The following ZXDB variants were observed in gnomAD, a reference collection of about 807,000 sequenced individuals.
ZXDB encodes the protein zinc finger X-linked duplicated B, also known as zinc finger X-linked protein ZXDB.
For missense variants in ZXDB, 413 were observed against 679.1 expected, an observed-to-expected ratio of 0.61 and a Z score of 4.36; for synonymous variants, 273 against 314.3, an observed-to-expected ratio of 0.87 and a Z score of 1.39.
rs1445856352 is a variant in ZXDB, at chrX:57,592,606, C to T, written c.558C>T (p.Thr186=). 3.3e-6 allele frequency: 4 copies of T among 1,196,370 alleles called. No homozygotes were observed. The highest frequency in any genetic ancestry group is 3.6e-5 in the South Asian group (2 of 55,328). The change falls in exon 1 of 1, where the codon ACC becomes ACT. Residue 186 remains threonine (T), a synonymous_variant. Transcript: ENST00000374888. Reference sequence around the variant, plus strand: ...TGCGCTTTGAGAACGGCGTCCTCACCCTGGCCACGCCCCCACCACACGCCT... The same window carrying T: ...TGCGCTTTGAGAACGGCGTCCTCACTCTGGCCACGCCCCCACCACACGCCT... ...LLLRFENGVL[T]LATPPPHAWE...
rs764480463 is a variant in ZXDB at position 57,592,317 on chromosome X, A to G, written c.269A>G (p.Asp90Gly). 6.7e-6 allele frequency: 8 copies of G among 1,188,144 alleles called. No homozygotes were observed. Among genetic ancestry groups the G allele is most frequent in the Non-Finnish European group, 9.0e-6 (8 of 888,222 alleles). Residue 90 changes from aspartate (D) to glycine (G), a missense_variant, in exon 1 of 1, where the codon GAC (aspartate) becomes GGC (glycine). By Grantham distance (94) the Asp-to-Gly change is moderately conservative. Coordinates refer to ENST00000374888, the MANE Select transcript of ZXDB (RefSeq NM_007157.4). ...AGCGGCGGCGGCGGCGGCGGCGGCG[A>G]CGACTTCTTCCTGGTGCTGCTTGAC... is the stretch of plus-strand genomic sequence containing the variant. ...QPSGGGGGGG[D>G]DFFLVLLDPV...
Position 57,592,219 on chromosome X carries a change from G to A in ZXDB, c.171G>A (p.Arg57=), listed in dbSNP as rs754069984. The A allele has an allele frequency of 1.1e-4, 122 of 1,081,800 alleles. No homozygotes were observed. Among genetic ancestry groups the A allele is most frequent in the Non-Finnish European group, 1.3e-4 (112 of 840,352 alleles). The allele number at this position is 1,081,800 out of a possible 1,213,427, so 89.2% of individuals were successfully genotyped here. A position where few individuals can be genotyped will look rare whatever the true frequency, so the allele number is the denominator to read the frequency against. ...LRGPQDGGPG[R]RREEASTASR... is the part of the protein sequence containing the mutation. ...GCCCCCAAGATGGCGGGCCCGGGCG[G>A]CGGCGCGAGGAGGCCAGCACGGCAT... The change falls in exon 1 of 1, where the codon CGG becomes CGA. Residue 57 remains arginine (R), a synonymous_variant. Coordinates refer to ENST00000374888, the MANE Select transcript of ZXDB (RefSeq NM_007157.4).
rs1032655057 is a variant in ZXDB at position 57,595,889 on chromosome X, A to C, written c.*1429A>C. ...AACAATGCACACACATACCTGACAC[A>C]CTGTTAAATTTTCTTCTCTTCCTGT... is the stretch of plus-strand genomic sequence containing the variant. On this transcript the variant is annotated 3_prime_UTR_variant, in exon 1 of 1. Transcript: ENST00000374888. 2.1e-4 allele frequency: 26 copies of C among 123,415 alleles called. No homozygotes were observed. The highest frequency in any genetic ancestry group is 8.4e-4 in the African/African-American group (26 of 30,828). The allele number at this position is 123,415 out of a possible 1,213,427, so 10.2% of individuals were successfully genotyped here.
Position 57,596,094 on chromosome X carries a change from C to T in ZXDB, c.*1634C>T, listed in dbSNP as rs1033237062. ...AGTAGGCAAGGGAATCTGTTTACTC[C>T]CTCTTCCCTCTACTGAATAATTTTC... On this transcript the variant is annotated 3_prime_UTR_variant, in exon 1 of 1. Coordinates refer to ENST00000374888, the MANE Select transcript of ZXDB (RefSeq NM_007157.4). 2.4e-5 allele frequency: 3 copies of T among 122,812 alleles called. No individual in the cohort carries two copies. The highest frequency in any genetic ancestry group is 9.8e-5 in the African/African-American group (3 of 30,648). The allele number at this position is 122,812 out of a possible 1,213,427, so 10.1% of individuals were successfully genotyped here. A position where few individuals can be genotyped will look rare whatever the true frequency, so the allele number is the denominator to read the frequency against.
At position 57,594,409 on chromosome X, in the gene ZXDB, T is replaced by G; in HGVS notation, c.2361T>G (p.Ser787=). 1 of 1,211,548 alleles carries G rather than the reference T, an allele frequency of 8.3e-7. No individual in the cohort carries two copies. The highest frequency in any genetic ancestry group is 1.1e-6 in the Non-Finnish European group (1 of 895,345). ...CCAATGCAGCAGGAAACCATGGTTC[T>G]CAGAAAGAAACAGATCTTATCACTG... ...GFPNAAGNHG[S]QKETDLITVT... is the part of the protein sequence containing the mutation. The change falls in exon 1 of 1, where the codon TCT becomes TCG. Residue 787 remains serine, a synonymous_variant. Coordinates refer to ENST00000374888, the MANE Select transcript of ZXDB (RefSeq NM_007157.4).
Position 57,593,491 on chromosome X carries a change from C to T in ZXDB, c.1443C>T (p.Asp481=). Residue 481 remains aspartate (D), a synonymous_variant, in exon 1 of 1, where the codon GAC becomes GAT. Transcript: ENST00000374888. ...GGCACAAAAGAAAGCACGACGATGA[C>T]CGGAGGTTCATGTGCCCTGTGGAAG... is the stretch of plus-strand genomic sequence containing the variant. ...LLRHKRKHDD[D]RRFMCPVEGC... is the part of the protein sequence containing the mutation. 1 of 1,211,622 alleles carries T rather than the reference C, an allele frequency of 8.3e-7. No individual in the cohort carries two copies. Among genetic ancestry groups the T allele is most frequent in the East Asian group, 3.0e-5 (1 of 33,829 alleles).
rs1057324 is a variant in ZXDB, at chrX:57,593,089, A to C, written c.1041A>C (p.Thr347=). The change falls in exon 1 of 1, where the codon ACA becomes ACC. Residue 347 remains threonine (T), a synonymous_variant. Transcript: ENST00000374888. The part of the protein sequence containing the change: ...PAEGCGKSFT[T]VYNLKAHMKG... Reference sequence around the variant, plus strand: ...AGGGCTGTGGCAAGAGCTTCACCACAGTGTACAACCTCAAGGCGCACATGA... The same window carrying C: ...AGGGCTGTGGCAAGAGCTTCACCACCGTGTACAACCTCAAGGCGCACATGA... 355 of 1,210,014 alleles carry C rather than the reference A, an allele frequency of 2.9e-4. 1 individual carries two copies. The highest frequency in any genetic ancestry group is 1.6e-3 in the East Asian group (53 of 33,712).
rs956014540 is a variant in ZXDB at position 57,596,095 on chromosome X, C to T, written c.*1635C>T. 1.6e-5 allele frequency: 2 copies of T among 123,126 alleles called. No individual in the cohort carries two copies. Among genetic ancestry groups the T allele is most frequent in the Non-Finnish European group, 3.8e-5 (2 of 53,237 alleles). The allele number at this position is 123,126 out of a possible 1,213,427, so 10.1% of individuals were successfully genotyped here. Reference sequence around the variant, plus strand: ...GTAGGCAAGGGAATCTGTTTACTCCCTCTTCCCTCTACTGAATAATTTTCC... The same window carrying T: ...GTAGGCAAGGGAATCTGTTTACTCCTTCTTCCCTCTACTGAATAATTTTCC... On this transcript the variant is annotated 3_prime_UTR_variant, in exon 1 of 1. Coordinates refer to ENST00000374888, the MANE Select transcript of ZXDB (RefSeq NM_007157.4).
chrX:57,592,513 G>T lies in ZXDB; in HGVS notation c.465G>T (p.Pro155=), dbSNP rs758066796. ...RCLSAVPTPA[P]ISAPGPAAAF... ...TGTCCGCGGTTCCCACTCCGGCCCCGATCTCCGCCCCCGGCCCCGCCGCGG... is the reference window on the plus strand; with the variant it reads ...TGTCCGCGGTTCCCACTCCGGCCCCTATCTCCGCCCCCGGCCCCGCCGCGG... Residue 155 remains proline (P), a synonymous_variant, in exon 1 of 1, where the codon CCG becomes CCT. Coordinates refer to ENST00000374888, the MANE Select transcript of ZXDB (RefSeq NM_007157.4). The T allele has an allele frequency of 3.0e-5, 35 of 1,183,599 alleles. No individual in the cohort carries two copies. The highest frequency in any genetic ancestry group is 6.2e-5 in the East Asian group (2 of 32,159).
In ZXDB at chrX:57,592,763, C is replaced by A; in HGVS notation, c.715C>A (p.Pro239Thr). 1 of 1,153,934 alleles carries A rather than the reference C, an allele frequency of 8.7e-7. No homozygotes were observed. Among genetic ancestry groups the A allele is most frequent in the Non-Finnish European group, 1.1e-6 (1 of 869,970 alleles). ...PDLLLAEPAEPAPAPAPEEEA... is the reference protein window; with the variant it reads ...PDLLLAEPAETAPAPAPEEEA... ...CCTCCTGCTAGCTGAGCCGGCCGAACCCGCGCCAGCTCCGGCGCCTGAGGA... is the reference window on the plus strand; with the variant it reads ...CCTCCTGCTAGCTGAGCCGGCCGAAACCGCGCCAGCTCCGGCGCCTGAGGA... Residue 239 changes from proline to threonine, a missense_variant, in exon 1 of 1, where the codon CCC becomes ACC. Pro to Thr is a conservative substitution (Grantham distance 38). Coordinates refer to ENST00000374888, the MANE Select transcript of ZXDB (RefSeq NM_007157.4).
At position 57,592,292 on chromosome X, in the gene ZXDB, AGCGGCGGCGGCGGCG is replaced by A; in HGVS notation, c.254_268del (p.Gly85_Gly89del). The A allele has an allele frequency of 1.7e-6, 2 of 1,184,980 alleles. No individual in the cohort carries two copies. Among genetic ancestry groups the A allele is most frequent in the South Asian group, 3.6e-5 (2 of 54,922 alleles). On this transcript the variant is annotated inframe_deletion, in exon 1 of 1. Transcript: ENST00000374888. ...GTTGGCGCCGAGGACCGATCAACCT[AGCGGCGGCGGCGGCG>A]GCGGCGGCGACGACTTCTTCCTGGT...
At position 57,593,802 on chromosome X, in the gene ZXDB, C is replaced by G; in HGVS notation, c.1754C>G (p.Ala585Gly). 1 of 1,211,726 alleles carries G rather than the reference C, an allele frequency of 8.3e-7. No individual in the cohort carries two copies. Among genetic ancestry groups the G allele is most frequent in the Non-Finnish European group, 1.1e-6 (1 of 895,430 alleles). Residue 585 changes from alanine to glycine, a missense_variant, in exon 1 of 1, where the codon GCA becomes GGA. Coordinates refer to ENST00000374888, the MANE Select transcript of ZXDB (RefSeq NM_007157.4). ...GQDLLAQLEA[A>G]NSLTPSSELT... ...GATCTCTTAGCTCAGCTAGAAGCAG[C>G]AAATTCTCTCACACCCAGCAGTGAA...
In ZXDB at chrX:57,592,363, G is replaced by C. The variant is rs1378792578; in HGVS notation, c.315G>C (p.Glu105Asp). The change falls in exon 1 of 1, where the codon GAG becomes GAC. Residue 105 changes from glutamate (E) to aspartate (D), a missense_variant. Glu to Asp is a conservative substitution (Grantham distance 45, BLOSUM62 2). Transcript: ENST00000374888. Reference protein sequence around the residue: ...VLLDPVGGDVETAGSGQAAGP... With the variant: ...VLLDPVGGDVDTAGSGQAAGP... Reference sequence around the variant, plus strand: ...TTGACCCGGTGGGTGGCGACGTGGAGACCGCGGGCTCCGGTCAGGCCGCAG... The same window carrying C: ...TTGACCCGGTGGGTGGCGACGTGGACACCGCGGGCTCCGGTCAGGCCGCAG... The C allele has an allele frequency of 8.4e-7, 1 of 1,190,572 alleles. No individual in the cohort carries two copies. The highest frequency in any genetic ancestry group is 1.1e-6 in the Non-Finnish European group (1 of 889,441).
Position 57,592,713 on chromosome X carries a change from G to A in ZXDB, c.665G>A (p.Gly222Asp), listed in dbSNP as rs766212607. The A allele has an allele frequency of 3.4e-6, 4 of 1,175,705 alleles. No individual in the cohort carries two copies. The African/African-American group carries it at 5.5e-5, about 16-fold the overall frequency. ...QAGFPHAAHP[G>D]DCPELPPDLL... ...GGGTTCCCGCATGCCGCGCACCCGGGTGACTGCCCAGAGCTGCCGCCAGAC... is the reference window on the plus strand; with the variant it reads ...GGGTTCCCGCATGCCGCGCACCCGGATGACTGCCCAGAGCTGCCGCCAGAC... Residue 222 changes from glycine to aspartate, a missense_variant, in exon 1 of 1, where the codon GGT becomes GAT. Transcript: ENST00000374888.
At position 57,592,639 on chromosome X, in the gene ZXDB, A is replaced by C. The variant is rs755031740; in HGVS notation, c.591A>C (p.Pro197=). 1.8e-5 allele frequency: 21 copies of C among 1,192,757 alleles called. No homozygotes were observed. In the East Asian group the frequency reaches 3.4e-4, roughly 19 times the overall value. ...LATPPPHAWE[P]GAAPAQQPGC... Reference sequence around the variant, plus strand: ...CGCCCCCACCACACGCCTGGGAGCCAGGGGCCGCTCCTGCCCAGCAGCCCG... The same window carrying C: ...CGCCCCCACCACACGCCTGGGAGCCCGGGGCCGCTCCTGCCCAGCAGCCCG... The change falls in exon 1 of 1, where the codon CCA becomes CCC. Residue 197 remains proline, a synonymous_variant. Coordinates refer to ENST00000374888, the MANE Select transcript of ZXDB (RefSeq NM_007157.4).
chrX:57,592,719 G>C lies in ZXDB; in HGVS notation c.671G>C (p.Cys224Ser). 8.5e-7 allele frequency: 1 copy of C among 1,171,925 alleles called. No homozygotes were observed. The highest frequency in any genetic ancestry group is 1.1e-6 in the Non-Finnish European group (1 of 878,848). ...CCGCATGCCGCGCACCCGGGTGACT[G>C]CCCAGAGCTGCCGCCAGACCTCCTG... is the stretch of plus-strand genomic sequence containing the variant. Reference protein sequence around the residue: ...GFPHAAHPGDCPELPPDLLLA... With the variant: ...GFPHAAHPGDSPELPPDLLLA... The change falls in exon 1 of 1, where the codon TGC becomes TCC. Residue 224 changes from cysteine (C) to serine (S), a missense_variant. Coordinates refer to ENST00000374888, the MANE Select transcript of ZXDB (RefSeq NM_007157.4).
chrX:57,597,108 T>C lies in ZXDB; in HGVS notation c.*2648T>C, dbSNP rs2057912931. 1.6e-5 allele frequency: 2 copies of C among 123,523 alleles called. No homozygotes were observed. Among genetic ancestry groups the C allele is most frequent in the East Asian group, 5.6e-4 (2 of 3,592 alleles). The allele number at this position is 123,523 out of a possible 1,213,427, so 10.2% of individuals were successfully genotyped here. ...GTGGATGACAGTTATTGTAGCACTT[T>C]GGCAGTGCACTAAAATTTTGCCACT... On this transcript the variant is annotated 3_prime_UTR_variant, in exon 1 of 1. Coordinates refer to ENST00000374888, the MANE Select transcript of ZXDB (RefSeq NM_007157.4).
chrX:57,594,577 G>T lies in ZXDB; in HGVS notation c.*117G>T. On this transcript the variant is annotated 3_prime_UTR_variant, in exon 1 of 1. Coordinates refer to ENST00000374888, the MANE Select transcript of ZXDB (RefSeq NM_007157.4). Reference sequence around the variant, plus strand: ...CTTTTTGGTTTGCAAAAAGAGCACAGCCCTGGACTACAAGTTTGGAGATTT... The same window carrying T: ...CTTTTTGGTTTGCAAAAAGAGCACATCCCTGGACTACAAGTTTGGAGATTT... 2.2e-6 allele frequency: 2 copies of T among 921,387 alleles called. No individual in the cohort carries two copies. The highest frequency in any genetic ancestry group is 3.0e-6 in the Non-Finnish European group (2 of 669,276). The allele number at this position is 921,387 out of a possible 1,213,427, so 75.9% of individuals were successfully genotyped here. A position where few individuals can be genotyped will look rare whatever the true frequency, so the allele number is the denominator to read the frequency against.
chrX:57,597,319 G>C lies in ZXDB; in HGVS notation c.*2859G>C, dbSNP rs756890223. On this transcript the variant is annotated 3_prime_UTR_variant, in exon 1 of 1. Coordinates refer to ENST00000374888, the MANE Select transcript of ZXDB (RefSeq NM_007157.4). ...TCAACAGTTTTCCCTCTTTGCTCTGGAAATATTTGTACTCATATAGCATAT... is the reference window on the plus strand; with the variant it reads ...TCAACAGTTTTCCCTCTTTGCTCTGCAAATATTTGTACTCATATAGCATAT... The C allele has an allele frequency of 8.1e-6, 1 of 123,146 alleles. No individual in the cohort carries two copies. The highest frequency in any genetic ancestry group is 3.3e-5 in the African/African-American group (1 of 30,768). The allele number at this position is 123,146 out of a possible 1,213,427, so 10.1% of individuals were successfully genotyped here. A position where few individuals can be genotyped will look rare whatever the true frequency, so the allele number is the denominator to read the frequency against.
Sources: gnomAD v4.1 joint callset for allele counts on GRCh38, gnomAD v4.1.1 for gene constraint, MANE v1.5 for transcripts, NCBI Gene and HGNC (gene_info 2026-07-23, HGNC 2026-07-21) for gene names.